The following ADPGK variants were observed in gnomAD, a reference collection of about 807,000 sequenced individuals.
ADPGK encodes ADP dependent glucokinase, also known as ADP-dependent glucokinase.
ADPGK carries 26 observed loss-of-function variants against 42.4 expected under a neutral mutation model. The observed-to-expected ratio is 0.61, with a 90% confidence interval of 0.45 to 0.85. The LOEUF is 0.85. ADPGK is among the 40% of genes least tolerant of loss of function. The pLI, the probability that ADPGK is intolerant of heterozygous loss-of-function variation, is 0.00. For missense variants in ADPGK, 571 were observed against 627.0 expected (o/e 0.91, Z 0.95); for synonymous variants, 267 against 252.6 (o/e 1.06, Z -0.54).
intron 3 of ADPGK, among the ~76,000 whole-genome samples, chr15:72,765,125 T>C (rs139046284): frequency 9.3e-4 from 141 of 152,314 alleles, no homozygotes; most frequent in African/African-American, 3.3e-3. Flanking sequence ...ACATCCATTC[T>C]GCAACCCATA....
intron 1 of ADPGK, chr15:72,783,251 T>C (rs2066490678): frequency 1.6e-6 from 2 of 1,240,314 alleles, no homozygotes; most frequent in Non-Finnish European, 2.0e-6. Flanking sequence ...CCTACCGGGA[T>C]GAGAGAAAGG....
intron 3 of ADPGK, among the ~76,000 whole-genome samples, chr15:72,763,536 T>C (rs2066221862): frequency 6.6e-6 from 1 of 152,146 alleles, no homozygotes; most frequent in Non-Finnish European, 1.5e-5. Flanking sequence ...ATGGTAATGC[T>C]AGATAAGTAC....
intron 6 of ADPGK, among the ~76,000 whole-genome samples, chr15:72,754,840 G>C (rs377702066): frequency 6.6e-5 from 10 of 152,286 alleles, no homozygotes; most frequent in African/African-American, 2.4e-4. Flanking sequence ...GGTAAAAAGG[G>C]ATGGAAAACA....
At chr15:72,771,349 T>TATA (rs1402129565) in intron 3 of ADPGK, among the ~76,000 whole-genome samples, 7 of 152,232 alleles carry the variant, frequency 4.6e-5, no homozygotes, top group African/African-American at 1.7e-4. Context: ...TCATGACTTG[T>TATA]ATAATCCTTA....
In ADPGK at chr15:72,755,596, C is replaced by T. The variant is rs752594966; in HGVS notation, c.899G>A (p.Ser300Asn). The T allele has an allele frequency of 6.2e-7, 1 of 1,614,136 alleles. No homozygotes were observed. The highest frequency in any genetic ancestry group is 8.5e-7 in the Non-Finnish European group (1 of 1,179,996). The change falls in exon 6 of 7, where the codon AGT (serine) becomes AAT (asparagine). Residue 300 changes from serine to asparagine, a missense_variant. Ser to Asn is a conservative substitution (Grantham distance 46, BLOSUM62 1). This residue lies in a region of ADPGK where 434 missense variants were observed against 522.7 expected (regional missense o/e 0.83). Coordinates refer to ENST00000456471, the MANE Select transcript of ADPGK (RefSeq NM_001365225.1). The stretch of plus-strand genomic sequence containing the variant: ...GCTCATGAGCTCCCTGTTAGTCATA[C>T]TGGCCAGCTCTAGGTGAACTGGAAT... ...TGIPVHLELA[S>N]MTNRELMSSI...
intron 6 of ADPGK, among the ~76,000 whole-genome samples, chr15:72,754,555 T>C (rs1343408977): frequency 6.6e-6 from 1 of 152,198 alleles, no homozygotes; most frequent in African/African-American, 2.4e-5. Context: ...CTCCTAAATA[T>C]GGACTTGTTC....
At chr15:72,779,964 A>C (rs2066436926) in intron 1 of ADPGK, among the ~76,000 whole-genome samples, 2 of 152,200 alleles carry the variant, frequency 1.3e-5, no homozygotes. Context: ...TCTTAATGGC[A>C]ACAACATGGC....
intron 3 of ADPGK, among the ~76,000 whole-genome samples, chr15:72,771,246 T>C: frequency 6.6e-6 from 1 of 152,208 alleles, no homozygotes; most frequent in Non-Finnish European, 1.5e-5. Context: ...ATTTAAGTCT[T>C]GAAGACACTC....
At chr15:72,776,723 C>T (rs76136312) in intron 1 of ADPGK, among the ~76,000 whole-genome samples, 11,396 of 152,216 alleles carry the variant, frequency 0.075, 594 homozygotes, top group Non-Finnish European at 0.12. Flanking sequence ...AAGAGACATC[C>T]TCCCTCAAGA....
At chr15:72,779,400 C>T (rs2151095026) in intron 1 of ADPGK, among the ~76,000 whole-genome samples, 1 of 152,088 alleles carries the variant, frequency 6.6e-6, no homozygotes, top group African/African-American at 2.4e-5. Flanking sequence ...AGAAATGCAT[C>T]ACCACGCCTA....
intron 1 of ADPGK, among the ~76,000 whole-genome samples, chr15:72,776,044 T>C (rs1407569205): frequency 2.0e-5 from 3 of 152,202 alleles, no homozygotes; most frequent in Non-Finnish European, 4.4e-5. Flanking sequence ...TTCTATTCCT[T>C]ACGTGTGGGT....
intron 3 of ADPGK, among the ~76,000 whole-genome samples, chr15:72,764,055 C>A (rs2066228126): frequency 6.6e-6 from 1 of 152,132 alleles, no homozygotes; most frequent in Non-Finnish European, 1.5e-5. Context: ...TGAGACATAA[C>A]AATATTGAAA....
intron 4 of ADPGK, among the ~76,000 whole-genome samples, chr15:72,759,716 C>G (rs1435295786): frequency 6.6e-6 from 1 of 152,138 alleles, no homozygotes; most frequent in Non-Finnish European, 1.5e-5. Flanking sequence ...ACTCAAGAGT[C>G]TGAGTTCTGA....
intron 1 of ADPGK, among the ~76,000 whole-genome samples, chr15:72,777,189 G>A (rs768100873): frequency 4.6e-5 from 7 of 152,140 alleles, no homozygotes; most frequent in Non-Finnish European, 1.0e-4. Context: ...CATTAGATTG[G>A]TAGAATCAAC....
At chr15:72,771,263 T>C (rs1209947444) in intron 3 of ADPGK, among the ~76,000 whole-genome samples, 2 of 152,224 alleles carry the variant, frequency 1.3e-5, no homozygotes, top group South Asian at 2.1e-4. Context: ...ACTCCCCTAC[T>C]GACTCTCATC....
chr15:72,755,544 C>T lies in ADPGK; in HGVS notation c.939+12G>A, dbSNP rs116800797. On this transcript the variant is annotated intron_variant, in intron 6 of 6. Coordinates refer to ENST00000456471, the MANE Select transcript of ADPGK (RefSeq NM_001365225.1). Reference sequence around the variant, plus strand: ...TGAGGATCAGGGCCAAACGATGGTCCCATGAGGTTACCTGATGGACAATGC... The same window carrying T: ...TGAGGATCAGGGCCAAACGATGGTCTCATGAGGTTACCTGATGGACAATGC... 2,935 of 1,605,456 alleles carry T rather than the reference C, an allele frequency of 1.8e-3. 60 individuals carry two copies. In the African/African-American group the frequency reaches 0.035, roughly 19 times the overall value.
chr15:72,783,717 G>C lies in ADPGK; in HGVS notation c.-26C>G, dbSNP rs1401589279. The C allele has an allele frequency of 3.5e-6, 5 of 1,436,142 alleles. No individual in the cohort carries two copies. Among genetic ancestry groups the C allele is most frequent in the South Asian group, 2.8e-5 (2 of 70,514 alleles). 89.0% of individuals were successfully genotyped at this position (1,436,142 alleles called of 1,614,324 possible). On this transcript the variant is annotated 5_prime_UTR_variant, in exon 1 of 7. Transcript: ENST00000456471. ...GGGGACCCAGGCGCCGCACCTGCGC[G>C]AACCAACTCCTTTCCTAGCCCGCGC...
At chr15:72,772,876 C>T (rs989008918) in intron 2 of ADPGK, among the ~76,000 whole-genome samples, 3 of 152,068 alleles carry the variant, frequency 2.0e-5, no homozygotes, top group African/African-American at 7.2e-5. Flanking sequence ...AGGATGGATC[C>T]ATATGCCTTG....
At chr15:72,768,921 C>A (rs922943052) in intron 3 of ADPGK, among the ~76,000 whole-genome samples, 1 of 150,118 alleles carries the variant, frequency 6.7e-6, no homozygotes, top group Non-Finnish European at 1.5e-5. Flanking sequence ...TTGCAGTGAG[C>A]CGAGATCATG....
Sources: allele counts gnomAD v4.1 joint callset (sites outside exome capture counted in the v4.1 genomes callset), GRCh38; gene constraint gnomAD v4.1.1; regional missense constraint gnomAD v4.1.1; transcripts MANE v1.5; gene names NCBI Gene and HGNC (gene_info 2026-07-23, HGNC 2026-07-21).